IGHMBP2: variants seen among roughly 807,000 people sequenced by gnomAD.
IGHMBP2 encodes the protein immunoglobulin mu DNA binding protein 2, also known as DNA-binding protein SMUBP-2.
Under a neutral mutation model 96.0 loss-of-function variants are expected in IGHMBP2, and 81 were observed. The observed-to-expected ratio is 0.84, with a 90% CI of 0.71 to 1.01. The LOEUF (loss-of-function observed/expected upper bound fraction) is 1.01, where lower values mean the gene tolerates loss of function less well. Ranked by LOEUF, IGHMBP2 falls within the 50% of genes least tolerant of loss-of-function variation. The pLI, the probability that IGHMBP2 is intolerant of heterozygous loss-of-function variation, is 0.00. For missense variants in IGHMBP2, 1,227 were observed against 1,306.3 expected, an observed-to-expected ratio of 0.94 and a Z score of 0.94; for synonymous variants, 557 against 548.9, an observed-to-expected ratio of 1.01 and a Z score of -0.21.
intron 2 of IGHMBP2, among the ~76,000 whole-genome samples, chr11:68,907,004 A>G (rs1404701321): frequency 6.6e-6 from 1 of 151,934 alleles, no homozygotes. Flanking sequence ...GGGTGCCTGT[A>G]ATCCTAGCAC....
intron 1 of IGHMBP2, among the ~76,000 whole-genome samples, chr11:68,904,854 A>G (rs1858124509): frequency 7.5e-6 from 1 of 133,158 alleles, no homozygotes; most frequent in Admixed American, 9.2e-5. Flanking sequence ...GCTGGAGTGC[A>G]GTGGCACGAT....
chr11:68,933,975 A>G, intron 10 of IGHMBP2, 62 bp downstream of exon 10: 1 of 1,183,382 alleles, frequency 8.5e-7, no homozygotes, highest in Non-Finnish European at 1.2e-6. Flanking sequence ...CTTTAAAAAT[A>G]AAAGGCACTT....
chr11:68,919,559 A>G (rs991160127), intron 7 of IGHMBP2, among the ~76,000 whole-genome samples: 1 of 152,240 alleles, frequency 6.6e-6, no homozygotes, highest in Non-Finnish European at 1.5e-5. Flanking sequence ...TGAGTGTTCC[A>G]TGCACACTTG....
rs1229816282 is a variant in IGHMBP2, at chr11:68,908,346, A to T, written c.449+9A>T. The T allele has an allele frequency of 2.5e-6, 4 of 1,611,620 alleles. No individual in the cohort carries two copies. The highest frequency in any genetic ancestry group is 3.4e-6 in the Non-Finnish European group (4 of 1,177,850). ...TACAGGCGACTGAAAAAGTAAGTGG[A>T]TGGGACTGGAAATCCTAAGTACCAT... On this transcript the variant is annotated intron_variant, in intron 3 of 14. Transcript: ENST00000255078.
intron 8 of IGHMBP2, chr11:68,930,443 A>G: frequency 7.8e-7 from 1 of 1,288,090 alleles, no homozygotes; most frequent in Non-Finnish European, 1.0e-6. Flanking sequence ...GGGTATGTAG[A>G]GAGAGGTGTC....
chr11:68,917,713 A>G lies in IGHMBP2; in HGVS notation c.913-23A>G, dbSNP rs113378108. On this transcript the variant is annotated intron_variant, in intron 6 of 14. Coordinates refer to ENST00000255078, the MANE Select transcript of IGHMBP2 (RefSeq NM_002180.3). ...TACAAAGTTGGACTGAAGTAAGTGT[A>G]TCTCCTTTGTTTTTCTTTATAGGTG... is the stretch of plus-strand genomic sequence containing the variant. 6.6e-5 allele frequency: 106 copies of G among 1,595,582 alleles called. 1 individual carries two copies. The African/African-American group carries it at 1.0e-3, about 15-fold the overall frequency.
chr11:68,923,305 T>A (rs903771282), intron 7 of IGHMBP2, among the ~76,000 whole-genome samples: 2 of 152,098 alleles, frequency 1.3e-5, no homozygotes, highest in Non-Finnish European at 2.9e-5. Flanking sequence ...TGGATTCAAG[T>A]GATTCTTTTG....
Position 68,914,937 on chromosome 11 carries a change from C to T in IGHMBP2, c.826C>T (p.Gln276Ter), listed in dbSNP as rs1566430156. ...GHPARLLESIQQHSLDAVLAR... is the reference protein window; with the variant it reads ...GHPARLLESI Reference sequence around the variant, plus strand: ...CCCTGCCCGCCTCCTGGAGTCCATTCAGCAGCACTCCCTGGATGCGGTTTT... The same window carrying T: ...CCCTGCCCGCCTCCTGGAGTCCATTTAGCAGCACTCCCTGGATGCGGTTTT... The change falls in exon 6 of 15, where the codon CAG becomes TAG. Residue 276 changes from glutamine to a stop codon, truncating the protein, a stop_gained. Coordinates refer to ENST00000255078, the MANE Select transcript of IGHMBP2 (RefSeq NM_002180.3). LOFTEE classifies it high-confidence loss of function. 1.2e-6 allele frequency: 2 copies of T among 1,614,108 alleles called. No homozygotes were observed. Among genetic ancestry groups the T allele is most frequent in the Non-Finnish European group, 1.7e-6 (2 of 1,180,008 alleles).
chr11:68,919,556 T>G (rs1858801825), intron 7 of IGHMBP2, among the ~76,000 whole-genome samples: 1 of 152,262 alleles, frequency 6.6e-6, no homozygotes, highest in Non-Finnish European at 1.5e-5. Context: ...TTGTGAGTGT[T>G]CCATGCACAC....
At chr11:68,910,059 G>C (rs757922465) in intron 4 of IGHMBP2, among the ~76,000 whole-genome samples, 1 of 152,156 alleles carries the variant, frequency 6.6e-6, no homozygotes, top group Non-Finnish European at 1.5e-5. Context: ...TTTGTAAAGC[G>C]GTGGCTTTGG....
At chr11:68,934,740 G>T (rs955739741) in intron 11 of IGHMBP2, among the ~76,000 whole-genome samples, 182 bp downstream of exon 11, 4 of 152,212 alleles carry the variant, frequency 2.6e-5, no homozygotes, top group African/African-American at 9.6e-5. Context: ...GTGTTCGTCT[G>T]CCCGCCCCAC....
At chr11:68,921,822 A>C (rs527802784) in intron 7 of IGHMBP2, among the ~76,000 whole-genome samples, 114 of 152,288 alleles carry the variant, frequency 7.5e-4, no homozygotes, top group African/African-American at 2.7e-3. Flanking sequence ...CCGGTGATGC[A>C]GTCCAGTAGC....
chr11:68,903,927 T>G lies in IGHMBP2; in HGVS notation c.-26T>G, dbSNP rs2154006349. Reference sequence around the variant, plus strand: ...CCGGCGCAGAAGCGGGACGTCGGCTTCTAGGGGCCCAGGCCGGCGGCGGCG... The same window carrying G: ...CCGGCGCAGAAGCGGGACGTCGGCTGCTAGGGGCCCAGGCCGGCGGCGGCG... On this transcript the variant is annotated 5_prime_UTR_variant, in exon 1 of 15. Coordinates refer to ENST00000255078, the MANE Select transcript of IGHMBP2 (RefSeq NM_002180.3). The G allele has an allele frequency of 6.3e-7, 1 of 1,596,326 alleles. No homozygotes were observed. Among genetic ancestry groups the G allele is most frequent in the Non-Finnish European group, 8.5e-7 (1 of 1,171,618 alleles).
Position 68,937,532 on chromosome 11 carries a change from G to A in IGHMBP2, c.2611+441G>A, listed in dbSNP as rs376373597. 9.8e-5 allele frequency among the ~76,000 whole-genome samples: 15 copies of A among 152,394 alleles called. No homozygotes were observed. The East Asian group carries it at 2.3e-3, about 24-fold the overall frequency. The stretch of plus-strand genomic sequence containing the variant: ...ATGCTCAGAACCACAGGGGCTGGCT[G>A]AGCGCAAAACCATTCTTGCCCTTGG... On this transcript the variant is annotated intron_variant, in intron 13 of 14. Coordinates refer to ENST00000255078, the MANE Select transcript of IGHMBP2 (RefSeq NM_002180.3).
intron 7 of IGHMBP2, among the ~76,000 whole-genome samples, chr11:68,925,331 T>C (rs1859026427): frequency 6.6e-6 from 1 of 151,980 alleles, no homozygotes; most frequent in African/African-American, 2.4e-5. Context: ...GTATATTTTG[T>C]AGAGACTGGA....
intron 6 of IGHMBP2, 143 bp downstream of exon 6, chr11:68,915,166 C>CTTTTTTTTATTTTTTTT (rs1858606248): frequency 5.7e-6 from 1 of 176,576 alleles, no homozygotes; most frequent in Non-Finnish European, 9.5e-6. Context: ...TTGGGCTGCC[C>CTTTTTTTTATTTTTTTT]TTTTTTTTTT....
chr11:68,908,711 A>G, intron 4 of IGHMBP2, 80 bp downstream of exon 4: 2 of 988,802 alleles, frequency 2.0e-6, no homozygotes, highest in South Asian at 1.3e-5. Context: ...GGCCGTTTTA[A>G]TAAGAGTTTG....
rs376943646 is a variant in IGHMBP2, at chr11:68,911,637, C to T, written c.711+34C>T. The T allele has an allele frequency of 1.7e-5, 27 of 1,607,972 alleles. No homozygotes were observed. In the African/African-American group the frequency reaches 2.7e-4, roughly 16 times the overall value. On this transcript the variant is annotated intron_variant, in intron 5 of 14. Coordinates refer to ENST00000255078, the MANE Select transcript of IGHMBP2 (RefSeq NM_002180.3). ...TGCATGCCACTTCCCTGTCAGAGCC[C>T]GTCCGCTCCTGGTCTGTTGTGTTCA...
At chr11:68,935,487 T>C (rs780752085) in intron 12 of IGHMBP2, 65 bp downstream of exon 12, 2 of 1,592,684 alleles carry the variant, frequency 1.3e-6, no homozygotes. Flanking sequence ...TTGAGGGGCA[T>C]ATTGGGTGTC....
Sources: gnomAD v4.1 joint callset for allele counts (sites outside exome capture counted in the v4.1 genomes callset) on GRCh38, gnomAD v4.1.1 for gene constraint, MANE v1.5 for transcripts, NCBI Gene and HGNC (gene_info 2026-07-23, HGNC 2026-07-21) for gene names.